Variants in NALF1 observed in about 807,000 individuals in gnomAD.
NALF1 encodes the protein NALCN channel auxiliary factor 1.
NALF1 carries 3 observed loss-of-function variants against 48.4 expected under a neutral mutation model. That is an observed-to-expected ratio of 0.06 (90% CI 0.03 to 0.16). NALF1 has a LOEUF of 0.16. NALF1 is among the 10% of genes least tolerant of loss of function. The pLI is 1.00. For missense variants in NALF1, 526 were observed against 571.5 expected (o/e 0.92, Z 0.81); for synonymous variants, 262 against 245.7 (o/e 1.07, Z -0.62).
At chr13:107,212,841 G>T (rs1327427461) in intron 1 of NALF1, among the ~76,000 whole-genome samples, 1 of 152,142 alleles carries the variant, frequency 6.6e-6, no homozygotes, top group Non-Finnish European at 1.5e-5. Flanking sequence ...AGGACAGCTT[G>T]CTTTCCGCAC....
intron 1 of NALF1, among the ~76,000 whole-genome samples, chr13:107,560,592 C>G (rs915714159): frequency 3.9e-5 from 6 of 151,966 alleles, no homozygotes; most frequent in African/African-American, 1.5e-4. Context: ...AAATGGAGAG[C>G]AGTTCACCAA....
intron 1 of NALF1, among the ~76,000 whole-genome samples, chr13:107,640,366 G>T (rs1261480571): frequency 1.3e-5 from 2 of 152,082 alleles, no homozygotes; most frequent in African/African-American, 4.8e-5. Flanking sequence ...TAAAGTCAAG[G>T]CAGGGAATTT....
chr13:107,565,806 A>G (rs1271032458), intron 1 of NALF1, among the ~76,000 whole-genome samples: 1 of 152,168 alleles, frequency 6.6e-6, no homozygotes, highest in Non-Finnish European at 1.5e-5. Flanking sequence ...GAATGTTATG[A>G]ACCTATAATA....
chr13:107,651,577 A>G (rs1377937559), intron 1 of NALF1, among the ~76,000 whole-genome samples: 1 of 152,210 alleles, frequency 6.6e-6, no homozygotes, highest in Non-Finnish European at 1.5e-5. Context: ...ATATTTTAAA[A>G]CTAGCCTGTT....
chr13:107,715,481 C>T (rs747878616), intron 1 of NALF1, among the ~76,000 whole-genome samples: 61 of 152,238 alleles, frequency 4.0e-4, no homozygotes, highest in African/African-American at 4.8e-4. Flanking sequence ...GGATTATAGG[C>T]GTGAGCCACC....
At chr13:107,364,469 T>C (rs1381770408) in intron 1 of NALF1, among the ~76,000 whole-genome samples, 1 of 152,034 alleles carries the variant, frequency 6.6e-6, no homozygotes, top group African/African-American at 2.4e-5. Flanking sequence ...CTGAAATAGG[T>C]TTCCTGTCAA....
chr13:107,680,347 T>C (rs1881253181), intron 1 of NALF1, among the ~76,000 whole-genome samples: 1 of 152,202 alleles, frequency 6.6e-6, no homozygotes, highest in African/African-American at 2.4e-5. Flanking sequence ...AAGCATTCTC[T>C]GGGTCCCTGA....
At chr13:107,864,556 A>G (rs1219845286) in intron 1 of NALF1, among the ~76,000 whole-genome samples, 1 of 152,240 alleles carries the variant, frequency 6.6e-6, no homozygotes, top group Non-Finnish European at 1.5e-5. Flanking sequence ...AGAAAGAGAG[A>G]GAATGTGGTG....
intron 1 of NALF1, among the ~76,000 whole-genome samples, chr13:107,857,832 T>G (rs1051597905): frequency 6.6e-6 from 1 of 152,180 alleles, no homozygotes; most frequent in South Asian, 2.1e-4. Context: ...AGATCTCAAG[T>G]GAGGACTATA....
In NALF1 at chr13:107,737,408, A is replaced by T. The variant is rs1411390815; in HGVS notation, c.915+128274T>A. ...TCCTATTCACTGAATCCTAAATGGCATCAGATATTCTCACTTGAAAACTAA... is the reference window on the plus strand; with the variant it reads ...TCCTATTCACTGAATCCTAAATGGCTTCAGATATTCTCACTTGAAAACTAA... On this transcript the variant is annotated intron_variant, in intron 1 of 2. Coordinates refer to ENST00000375915, the MANE Select transcript of NALF1 (RefSeq NM_001080396.3). Among the ~76,000 whole-genome samples the T allele has an allele frequency of 2.0e-5, 3 of 152,336 alleles. No individual in the cohort carries two copies. The East Asian group carries it at 5.8e-4, about 29-fold the overall frequency.
chr13:107,344,950 A>C (rs963964745), intron 1 of NALF1, among the ~76,000 whole-genome samples: 1 of 152,176 alleles, frequency 6.6e-6, no homozygotes, highest in Non-Finnish European at 1.5e-5. Flanking sequence ...CTACCAAAAA[A>C]ATTGTTAGAA....
chr13:107,800,620 TTATA>T (rs1878580678), intron 1 of NALF1, among the ~76,000 whole-genome samples: 2 of 147,056 alleles, frequency 1.4e-5, no homozygotes, highest in African/African-American at 4.9e-5. Context: ...AATATATATA[TTATA>T]TAATTATATA....
intron 1 of NALF1, among the ~76,000 whole-genome samples, chr13:107,285,650 T>G (rs974182244): frequency 2.0e-5 from 3 of 152,098 alleles, no homozygotes; most frequent in African/African-American, 7.2e-5. Context: ...TTATAGTGTA[T>G]AGCATATATA....
At chr13:107,861,641 A>G (rs906331801) in intron 1 of NALF1, among the ~76,000 whole-genome samples, 1 of 152,144 alleles carries the variant, frequency 6.6e-6, no homozygotes, top group African/African-American at 2.4e-5. Context: ...AAAATTAGCT[A>G]GGCGTGGTGG....
At chr13:107,751,906 G>T (rs1428189381) in intron 1 of NALF1, among the ~76,000 whole-genome samples, 1 of 151,818 alleles carries the variant, frequency 6.6e-6, no homozygotes, top group Non-Finnish European at 1.5e-5. Flanking sequence ...TGTCATCAAG[G>T]TGCTTGGAAT....
At position 107,866,147 on chromosome 13, in the gene NALF1, G is replaced by A. The variant is rs1324534024; in HGVS notation, c.450C>T (p.Asp150=). 8 of 1,610,046 alleles carry A rather than the reference G, an allele frequency of 5.0e-6. No homozygotes were observed. The highest frequency in any genetic ancestry group is 6.8e-6 in the Non-Finnish European group (8 of 1,178,660). ...GGGGKGNRGK[D]DRGKALFLGN... Reference sequence around the variant, plus strand: ...CTAGAAAAAGAGCCTTGCCCCGGTCGTCTTTGCCTCGGTTGCCCTTGCCGC... The same window carrying A: ...CTAGAAAAAGAGCCTTGCCCCGGTCATCTTTGCCTCGGTTGCCCTTGCCGC... Residue 150 remains aspartate (D), a synonymous_variant, in exon 1 of 3, where the codon GAC becomes GAT. Coordinates refer to ENST00000375915, the MANE Select transcript of NALF1 (RefSeq NM_001080396.3). This position sits in a 1 kb window ranked among gnomAD's most constrained non-coding sequence, Gnocchi z 4.4.
chr13:107,299,549 G>C (rs2138891319), intron 1 of NALF1, among the ~76,000 whole-genome samples: 1 of 150,936 alleles, frequency 6.6e-6, no homozygotes, highest in South Asian at 2.1e-4. Context: ...ACTTTCGCTG[G>C]CTGATTTTCC....
intron 1 of NALF1, among the ~76,000 whole-genome samples, chr13:107,305,627 C>T (rs1881921896): frequency 6.6e-6 from 1 of 152,148 alleles, no homozygotes; most frequent in South Asian, 2.1e-4. Context: ...ATGGCACTGC[C>T]AAACTAACCC....
chr13:107,507,438 G>A (rs1297575433), intron 1 of NALF1, among the ~76,000 whole-genome samples: 2 of 151,534 alleles, frequency 1.3e-5, no homozygotes, highest in African/African-American at 4.8e-5. Flanking sequence ...TGTTTTTAAT[G>A]GAAAGGAAGT....
Sources: allele counts gnomAD v4.1 joint callset (sites outside exome capture counted in the v4.1 genomes callset), GRCh38; gene constraint gnomAD v4.1.1; non-coding constraint Gnocchi (gnomAD v3.1); transcripts MANE v1.5; gene names NCBI Gene and HGNC (gene_info 2026-07-23, HGNC 2026-07-21).